RFC3: variants seen among roughly 807,000 people sequenced by gnomAD.
RFC3 encodes replication factor C subunit 3, also known as A1 38 kDa subunit.
In RFC3, 41 loss-of-function variants were observed where a neutral mutation model predicts 45.1. The ratio of observed to expected loss-of-function variants is 0.91; its 90% CI spans 0.71 to 1.18. The LOEUF (loss-of-function observed/expected upper bound fraction) is 1.18. RFC3 is among the 50% of genes most tolerant of loss of function. RFC3 has a pLI of 0.00. For synonymous variants in RFC3, 149 were observed against 144.0 expected (o/e 1.03, Z -0.25); for missense variants, 423 against 428.1 (o/e 0.99, Z 0.10).
At chr13:33,932,436 A>G (rs998658318) in intron 8 of RFC3, among the ~76,000 whole-genome samples, 1 of 152,126 alleles carries the variant, frequency 6.6e-6, no homozygotes, top group African/African-American at 2.4e-5. Context: ...TTCCCTCCCA[A>G]ACCATTTTTG....
intron 8 of RFC3, among the ~76,000 whole-genome samples, chr13:33,898,947 G>A (rs1422829155): frequency 6.6e-6 from 1 of 151,546 alleles, no homozygotes; most frequent in Non-Finnish European, 1.5e-5. Flanking sequence ...TGCCAAGATT[G>A]AACCATGAAG....
At position 33,855,770 on chromosome 13, in the gene RFC3, GTCT is replaced by G. The variant is rs979909649; in HGVS notation, c.879+20558_879+20560del. Reference sequence around the variant, plus strand: ...TCATATGCTTGTTGGCTGTATGTGTGTCTTCTTTTGAAAAGTGTCTGTTCATGT... The same window carrying G: ...TCATATGCTTGTTGGCTGTATGTGTGTCTTTTGAAAAGTGTCTGTTCATGT... On this transcript the variant is annotated intron_variant, in intron 8 of 8. Coordinates refer to the RFC3 transcript ENST00000434425. 7.2e-4 allele frequency among the ~76,000 whole-genome samples: 110 copies of G among 152,176 alleles called. 1 individual carries two copies. The highest frequency in any genetic ancestry group is 2.5e-3 in the African/African-American group (105 of 41,534).
At chr13:33,833,419 A>C (rs2082122060) in intron 7 of RFC3, among the ~76,000 whole-genome samples, 1 of 152,138 alleles carries the variant, frequency 6.6e-6, no homozygotes, top group Admixed American at 6.6e-5. Context: ...GTTCAGGTAC[A>C]TTCCATTATT....
At position 33,942,182 on chromosome 13, in the gene RFC3, C is replaced by G. The variant is rs886468056; in HGVS notation, c.880-23905C>G. 2.9e-4 allele frequency among the ~76,000 whole-genome samples: 44 copies of G among 151,894 alleles called. 1 individual carries two copies. The highest frequency in any genetic ancestry group is 1.0e-3 in the African/African-American group (43 of 41,442). ...TCACTTGTTGGTTTGTTTCTGTATC[C>G]TATTTTATATTCTTAATAATGCTTC... On this transcript the variant is annotated intron_variant, in intron 8 of 8. Transcript: ENST00000434425.
chr13:33,948,372 G>A (rs2082967581), intron 8 of RFC3, among the ~76,000 whole-genome samples: 1 of 152,232 alleles, frequency 6.6e-6, no homozygotes. Context: ...TTCGGAGAAT[G>A]TATGGAAACG....
Position 33,830,706 on chromosome 13 carries a change from ATTTT to A in RFC3, c.574-12_574-9del. On this transcript the variant is annotated splice_polypyrimidine_tract_variant and intron_variant, in intron 5 of 8. Transcript: ENST00000380071. ...TTTAATGGATTGCCCATTTTTGTTAATTTTATTTGTAGATTTGCCACGTGTTATC... is the reference window on the plus strand; with the variant it reads ...TTTAATGGATTGCCCATTTTTGTTAAATTTGTAGATTTGCCACGTGTTATC... 1 of 1,596,556 alleles carries A rather than the reference ATTTT, an allele frequency of 6.3e-7. No individual in the cohort carries two copies.
At chr13:33,834,298 G>GTGTGTATATATATATATATATA (rs1302839326) in intron 7 of RFC3, among the ~76,000 whole-genome samples, 72 of 109,140 alleles carry the variant, frequency 6.6e-4, no homozygotes, top group African/African-American at 2.2e-3. Context: ...TGTACTGTGT[G>GTGTGTATATATATATATATATA]TATATATATA....
At chr13:33,854,074 G>A (rs563553879) in intron 8 of RFC3, among the ~76,000 whole-genome samples, 30 of 152,302 alleles carry the variant, frequency 2.0e-4, no homozygotes, top group African/African-American at 6.5e-4. Flanking sequence ...AGAAAGATAC[G>A]AAGAAATGTA....
chr13:33,967,452 T>A (rs1450214871), downstream of RFC3, among the ~76,000 whole-genome samples: 3 of 151,296 alleles, frequency 2.0e-5, no homozygotes, highest in Non-Finnish European at 4.4e-5. Context: ...ATCCTACCAT[T>A]GAGAAATTTT....
chr13:33,818,277 G>A lies in RFC3; in HGVS notation c.87+12G>A. 1 of 1,612,378 alleles carries A rather than the reference G, an allele frequency of 6.2e-7. No individual in the cohort carries two copies. The highest frequency in any genetic ancestry group is 8.5e-7 in the Non-Finnish European group (1 of 1,179,092). ...AGCTGCGGAACCTGGTGAGTCTGCG[G>A]GGGCCGGGAGCGTGGGAGAGGGGAG... On this transcript the variant is annotated intron_variant, in intron 1 of 8. Transcript: ENST00000380071.
chr13:33,912,708 G>A lies in RFC3; in HGVS notation c.880-53379G>A, dbSNP rs144527260. ...GAAAGTTAATTCTATGAACGCTGTGGGATCATACAGTATTTATGCAGGGGA... is the reference window on the plus strand; with the variant it reads ...GAAAGTTAATTCTATGAACGCTGTGAGATCATACAGTATTTATGCAGGGGA... On this transcript the variant is annotated intron_variant, in intron 8 of 8. Coordinates refer to the RFC3 transcript ENST00000434425. Among the ~76,000 whole-genome samples, 308 of 152,184 alleles carry A rather than the reference G, an allele frequency of 2.0e-3. 5 individuals are homozygous for A. The highest frequency in any genetic ancestry group is 7.1e-3 in the African/African-American group (295 of 41,552).
In RFC3 at chr13:33,837,090, C is replaced by A; in HGVS notation, c.*795C>A. On this transcript the variant is annotated 3_prime_UTR_variant, in exon 9 of 9. Coordinates refer to ENST00000380071, the MANE Select transcript of RFC3 (RefSeq NM_002915.4). Reference sequence around the variant, plus strand: ...CAGACTCCGAACAATTCCTTTACTACGAAGTATAATTTATAAAATAAAATA... The same window carrying A: ...CAGACTCCGAACAATTCCTTTACTAAGAAGTATAATTTATAAAATAAAATA... The A allele has an allele frequency of 1.0e-6, 1 of 965,710 alleles. No homozygotes were observed. Among genetic ancestry groups the A allele is most frequent in the South Asian group, 4.8e-5 (1 of 20,904 alleles). The allele number at this position is 965,710 out of a possible 1,614,324, so 59.8% of individuals were successfully genotyped here. A position where few individuals can be genotyped will look rare whatever the true frequency, so the allele number is the denominator to read the frequency against.
intron 8 of RFC3, among the ~76,000 whole-genome samples, chr13:33,951,178 T>C (rs1023923737): frequency 6.6e-6 from 1 of 151,456 alleles, no homozygotes; most frequent in Non-Finnish European, 1.5e-5. Flanking sequence ...AGTTTCTTAA[T>C]GGAAGAGGTC....
At chr13:33,970,695 A>G (rs2083106154), downstream of RFC3, among the ~76,000 whole-genome samples, 1 of 152,208 alleles carries the variant, frequency 6.6e-6, no homozygotes, top group South Asian at 2.1e-4. Flanking sequence ...TATGTAACTG[A>G]CTTCGTTTGG....
chr13:33,948,527 C>T (rs1455847808), intron 8 of RFC3, among the ~76,000 whole-genome samples: 2 of 152,174 alleles, frequency 1.3e-5, no homozygotes, highest in Non-Finnish European at 2.9e-5. Context: ...AGAAGAGGGC[C>T]ACTGCCCTCC....
In RFC3 at chr13:33,836,461, C is replaced by T. The variant is rs1205998426; in HGVS notation, c.*166C>T. The stretch of plus-strand genomic sequence containing the variant: ...AATCATCCTCTGAGTTAAATAATTG[C>T]TCCTATACTATTGAAGTATGTAGTT... On this transcript the variant is annotated 3_prime_UTR_variant, in exon 9 of 9. Transcript: ENST00000380071. 2 of 1,411,196 alleles carry T rather than the reference C, an allele frequency of 1.4e-6. No individual in the cohort carries two copies. Among genetic ancestry groups the T allele is most frequent in the Non-Finnish European group, 1.8e-6 (2 of 1,083,492 alleles). The allele number at this position is 1,411,196 out of a possible 1,614,324, so 87.4% of individuals were successfully genotyped here. A position where few individuals can be genotyped will look rare whatever the true frequency, so the allele number is the denominator to read the frequency against.
chr13:33,907,946 T>C (rs2082681140), intron 8 of RFC3, among the ~76,000 whole-genome samples: 1 of 152,016 alleles, frequency 6.6e-6, no homozygotes, highest in African/African-American at 2.4e-5. Context: ...TTCTTTCTTT[T>C]TTTTTCATAG....
At chr13:33,830,086 A>G (rs1213320857) in intron 5 of RFC3, 69 bp downstream of exon 5, 1 of 1,363,194 alleles carries the variant, frequency 7.3e-7, no homozygotes, top group South Asian at 1.2e-5. Context: ...TGCTTGTTGT[A>G]AAAGAAGGGA....
chr13:33,932,406 A>T (rs1273517253), intron 8 of RFC3, among the ~76,000 whole-genome samples: 1 of 152,124 alleles, frequency 6.6e-6, no homozygotes, highest in South Asian at 2.1e-4. Context: ...GGAAGAATTG[A>T]TATCTTTTAT....
Sources: gnomAD v4.1 joint callset for allele counts (sites outside exome capture counted in the v4.1 genomes callset) on GRCh38, gnomAD v4.1.1 for gene constraint, MANE v1.5 for transcripts, NCBI Gene and HGNC (gene_info 2026-07-23, HGNC 2026-07-21) for gene names.